Variants in DLG1 observed in about 807,000 individuals in gnomAD.
DLG1 encodes the protein disks large homolog 1.
DLG1 carries 42 observed loss-of-function variants against 123.4 expected under a neutral mutation model. The ratio of observed to expected loss-of-function variants is 0.34; its 90% CI spans 0.27 to 0.44. DLG1 has a LOEUF of 0.44. Among genes scored for constraint, DLG1 ranks in the 20% least tolerant of loss-of-function variants. The pLI is 1.00. For missense variants in DLG1, 942 were observed against 1,082.6 expected (o/e 0.87, Z 1.82); for synonymous variants, 317 against 356.2 (o/e 0.89, Z 1.24).
At chr3:197,166,290 T>G (rs575466393) in intron 5 of DLG1, among the ~76,000 whole-genome samples, 2 of 152,260 alleles carry the variant, frequency 1.3e-5, no homozygotes, top group African/African-American at 4.8e-5. Flanking sequence ...GGCATTCTGG[T>G]CCAATAAATA....
At chr3:197,080,789 C>T (rs959061878) in intron 17 of DLG1, 20 of 261,606 alleles carry the variant, frequency 7.6e-5, no homozygotes, top group East Asian at 3.4e-4. Flanking sequence ...AATTGGAAAT[C>T]GAATGAAGGT....
intron 4 of DLG1, among the ~76,000 whole-genome samples, chr3:197,282,118 A>T (rs995515330): frequency 6.6e-6 from 1 of 152,242 alleles, no homozygotes. Flanking sequence ...ACTGGGCAAC[A>T]GTATAACACA....
At chr3:197,207,381 G>A (rs913498231) in intron 4 of DLG1, among the ~76,000 whole-genome samples, 1 of 152,160 alleles carries the variant, frequency 6.6e-6, no homozygotes, top group African/African-American at 2.4e-5. Flanking sequence ...ATGAAAAGAA[G>A]ACAGACCACG....
intron 4 of DLG1, among the ~76,000 whole-genome samples, chr3:197,268,157 A>C (rs1388939936): frequency 6.6e-6 from 1 of 152,230 alleles, no homozygotes; most frequent in East Asian, 1.9e-4. Context: ...CTAATACTAA[A>C]AATAGTAATA....
intron 13 of DLG1, among the ~76,000 whole-genome samples, chr3:197,109,513 G>T (rs1464721922): frequency 6.6e-6 from 1 of 152,128 alleles, no homozygotes; most frequent in East Asian, 1.9e-4. Context: ...TTTAAAATCA[G>T]GTTGGAGAAA....
intron 4 of DLG1, 28 bp from the exon 5 acceptor site, chr3:197,194,617 C>T: frequency 6.5e-7 from 1 of 1,529,794 alleles, no homozygotes; most frequent in Non-Finnish European, 8.8e-7. Flanking sequence ...ATGAAGAAGC[C>T]CTGATAAGCA....
intron 4 of DLG1, among the ~76,000 whole-genome samples, chr3:197,200,822 G>C (rs189407753): frequency 1.3e-5 from 2 of 152,150 alleles, no homozygotes; most frequent in African/African-American, 2.4e-5. Flanking sequence ...ACTAGGCTTT[G>C]AGAAACATAT....
At chr3:197,197,743 G>A (rs2150294884) in intron 4 of DLG1, among the ~76,000 whole-genome samples, 1 of 152,262 alleles carries the variant, frequency 6.6e-6, no homozygotes, top group South Asian at 2.1e-4. Context: ...TCCTGATTTT[G>A]AAACTTACTA....
intron 18 of DLG1, 109 bp downstream of exon 18, chr3:197,076,477 T>C (rs1357390543): frequency 1.6e-5 from 12 of 746,780 alleles, no homozygotes; most frequent in South Asian, 2.2e-5. Context: ...TGAAGACAAT[T>C]AGCAACCTGC....
chr3:197,225,090 G>A (rs1334146600), intron 4 of DLG1, among the ~76,000 whole-genome samples: 1 of 152,164 alleles, frequency 6.6e-6, no homozygotes, highest in Non-Finnish European at 1.5e-5. Flanking sequence ...CCAAGTAGCT[G>A]GGACTACAGG....
chr3:197,257,582 CCTT>C (rs1488429613), intron 4 of DLG1, among the ~76,000 whole-genome samples: 1 of 152,070 alleles, frequency 6.6e-6, no homozygotes, highest in Non-Finnish European at 1.5e-5. Context: ...CTTTCAAGCT[CCTT>C]CTCTTTCATA....
intron 23 of DLG1, among the ~76,000 whole-genome samples, chr3:197,052,837 A>G (rs1728873658): frequency 6.6e-6 from 1 of 152,234 alleles, no homozygotes; most frequent in Non-Finnish European, 1.5e-5. Context: ...GAGAGAATCT[A>G]TAGGTTAAAC....
At chr3:197,066,776 G>A (rs542267624) in intron 19 of DLG1, 22 bp from the exon 20 acceptor site, 1 of 1,517,884 alleles carries the variant, frequency 6.6e-7, no homozygotes, top group South Asian at 1.2e-5. Context: ...TGAAGGCACA[G>A]ATGAAAAATG....
At chr3:197,203,863 A>G (rs555464921) in intron 4 of DLG1, among the ~76,000 whole-genome samples, 1 of 152,342 alleles carries the variant, frequency 6.6e-6, no homozygotes, top group African/African-American at 2.4e-5. Flanking sequence ...AACTGACAAC[A>G]CTATAATTAA....
chr3:197,265,826 TG>T (rs1440584086), intron 4 of DLG1, among the ~76,000 whole-genome samples: 4 of 151,550 alleles, frequency 2.6e-5, no homozygotes, highest in Non-Finnish European at 5.9e-5. Context: ...CCAAGGAGAG[TG>T]GATCACGAGG....
chr3:197,296,954 G>GGT (rs1424720998), intron 2 of DLG1: 1 of 446,980 alleles, frequency 2.2e-6, no homozygotes. Flanking sequence ...GACATCTGTT[G>GGT]GGGGGGGGCT....
rs77881866 is a variant in DLG1, at chr3:197,189,681, T to G, written c.483+4744A>C. On this transcript the variant is annotated intron_variant, in intron 5 of 24. Coordinates refer to ENST00000667157, the MANE Select transcript of DLG1 (RefSeq NM_001366207.1). ...AGATGAACAAGGCAGAGCAAGAGAATGGCCCACAAAGATGGCCAGGTTTTC... is the reference window on the plus strand; with the variant it reads ...AGATGAACAAGGCAGAGCAAGAGAAGGGCCCACAAAGATGGCCAGGTTTTC... Among the ~76,000 whole-genome samples the G allele has an allele frequency of 1.2e-3, 178 of 152,352 alleles. 1 individual carries two copies. The East Asian group carries it at 0.031, about 27-fold the overall frequency.
chr3:197,054,706 G>A (rs760627934), intron 23 of DLG1, among the ~76,000 whole-genome samples: 6 of 151,962 alleles, frequency 3.9e-5, no homozygotes, highest in Non-Finnish European at 7.4e-5. Flanking sequence ...GTGCAGTGGT[G>A]TGATCTCGGC....
chr3:197,256,608 T>A (rs1198381954), intron 4 of DLG1, among the ~76,000 whole-genome samples: 1 of 152,206 alleles, frequency 6.6e-6, no homozygotes, highest in Non-Finnish European at 1.5e-5. Context: ...AAATTCCAAA[T>A]TTTTTTACAT....
Sources: allele counts gnomAD v4.1 joint callset (sites outside exome capture counted in the v4.1 genomes callset), GRCh38; gene constraint gnomAD v4.1.1; transcripts MANE v1.5; gene names NCBI Gene and HGNC (gene_info 2026-07-23, HGNC 2026-07-21).